CAMK2D: variants seen among roughly 807,000 people sequenced by gnomAD.
CAMK2D encodes calcium/calmodulin dependent protein kinase II delta, also known as calcium/calmodulin-dependent protein kinase type II subunit delta.
CAMK2D carries 37 observed loss-of-function variants against 84.0 expected under a neutral mutation model. The observed-to-expected ratio is 0.44, with a 90% confidence interval of 0.34 to 0.58. The LOEUF is 0.58. Ranked by LOEUF, CAMK2D falls within the 20% of genes least tolerant of loss-of-function variation. The pLI is 0.02. For synonymous variants in CAMK2D, 202 were observed against 212.5 expected (o/e 0.95, Z 0.43); for missense variants, 448 against 652.5 (o/e 0.69, Z 3.41).
At chr4:113,721,518 C>G (rs900863878) in intron 2 of CAMK2D, among the ~76,000 whole-genome samples, 1 of 152,178 alleles carries the variant, frequency 6.6e-6, no homozygotes, top group Non-Finnish European at 1.5e-5. Context: ...TCCAGACCCT[C>G]GTTTCCTAAG....
chr4:113,508,252 G>A (rs1488208210), intron 13 of CAMK2D: 18 of 1,549,144 alleles, frequency 1.2e-5, no homozygotes, highest in East Asian at 2.4e-5. Flanking sequence ...CTGAACACTC[G>A]AACTGGACTT....
rs144595389 is a variant in CAMK2D, at chr4:113,635,112, C to T, written c.221-25906G>A. ...TATAATTGATTGCTAATGCTGTATGCGAAAGCACTTTTTGCTGGGTTTTTA... is the reference window on the plus strand; with the variant it reads ...TATAATTGATTGCTAATGCTGTATGTGAAAGCACTTTTTGCTGGGTTTTTA... On this transcript the variant is annotated intron_variant, in intron 3 of 20. Coordinates refer to ENST00000511664, the MANE Select transcript of CAMK2D (RefSeq NM_001321571.2). Among the ~76,000 whole-genome samples, 106 of 152,226 alleles carry T rather than the reference C, an allele frequency of 7.0e-4. 1 individual carries two copies. Among genetic ancestry groups the T allele is most frequent in the Middle Eastern group, 3.4e-3 (1 of 294 alleles).
chr4:113,497,726 A>C (rs2097958513), intron 16 of CAMK2D, among the ~76,000 whole-genome samples: 1 of 152,230 alleles, frequency 6.6e-6, no homozygotes, highest in Non-Finnish European at 1.5e-5. Context: ...ATGGGGCAGA[A>C]TGTGCACTGC....
At chr4:113,500,638 C>A in intron 15 of CAMK2D, 127 bp from the exon 16 acceptor site, 1 of 533,494 alleles carries the variant, frequency 1.9e-6, no homozygotes. Flanking sequence ...TGCTGACATG[C>A]AAATGGACAA....
chr4:113,515,800 T>A (rs900051066), intron 9 of CAMK2D, among the ~76,000 whole-genome samples: 17 of 152,318 alleles, frequency 1.1e-4, no homozygotes, highest in African/African-American at 4.1e-4. Flanking sequence ...CTTCAAGAAG[T>A]TTAATCTGCC....
At chr4:113,670,018 C>T (rs1327378779) in intron 2 of CAMK2D, among the ~76,000 whole-genome samples, 1 of 152,108 alleles carries the variant, frequency 6.6e-6, no homozygotes, top group African/African-American at 2.4e-5. Flanking sequence ...TGGTGGCTCA[C>T]GTCTGTAATC....
intron 2 of CAMK2D, among the ~76,000 whole-genome samples, chr4:113,722,683 C>G (rs2099534359): frequency 6.6e-6 from 1 of 152,022 alleles, no homozygotes; most frequent in African/African-American, 2.4e-5. Flanking sequence ...GTGGAAGTGT[C>G]CTGGGCAAAA....
At chr4:113,455,432 C>A (rs761018997) in intron 20 of CAMK2D, among the ~76,000 whole-genome samples, 1 of 152,112 alleles carries the variant, frequency 6.6e-6, no homozygotes, top group Non-Finnish European at 1.5e-5. Context: ...TGAACTGACC[C>A]AGACATAATT....
chr4:113,580,533 C>T (rs2098803107), intron 4 of CAMK2D, among the ~76,000 whole-genome samples: 1 of 152,130 alleles, frequency 6.6e-6, no homozygotes, highest in African/African-American at 2.4e-5. Context: ...CAACAATTAC[C>T]TTATGATTAC....
intron 8 of CAMK2D, among the ~76,000 whole-genome samples, chr4:113,521,821 T>G (rs1466397167): frequency 1.3e-5 from 2 of 152,162 alleles, no homozygotes; most frequent in Non-Finnish European, 2.9e-5. Flanking sequence ...ATGTTTCAAT[T>G]TGGTTAAGAT....
intron 4 of CAMK2D, among the ~76,000 whole-genome samples, chr4:113,598,280 A>T (rs1161649161): frequency 6.6e-6 from 1 of 152,182 alleles, no homozygotes; most frequent in African/African-American, 2.4e-5. Flanking sequence ...AAGGCAATAC[A>T]CTGGAAAAAA....
In CAMK2D at chr4:113,465,608, A is replaced by C. The variant is rs1452440631; in HGVS notation, c.1136-4T>G. The C allele has an allele frequency of 3.8e-6, 6 of 1,593,412 alleles. No homozygotes were observed. The highest frequency in any genetic ancestry group is 1.7e-4 in the Middle Eastern group (1 of 6,024). ...TTGATAATCTCTTGCTTTCGTGCTA[A>C]AGGCAAAAATATGGAGTTGGGTAAG... On this transcript the variant is annotated splice_region_variant and splice_polypyrimidine_tract_variant and intron_variant, in intron 16 of 20. Transcript: ENST00000511664.
chr4:113,716,711 AT>A (rs1427975420), intron 2 of CAMK2D, among the ~76,000 whole-genome samples: 2 of 151,952 alleles, frequency 1.3e-5, no homozygotes, highest in Non-Finnish European at 2.9e-5. Flanking sequence ...CTAACTTGAA[AT>A]ATTTCCTTTG....
intron 2 of CAMK2D, among the ~76,000 whole-genome samples, chr4:113,739,564 T>C (rs1194432106): frequency 6.6e-6 from 1 of 152,052 alleles, no homozygotes; most frequent in Non-Finnish European, 1.5e-5. Flanking sequence ...CAAATAAAGC[T>C]CCCAAGCCAA....
intron 6 of CAMK2D, among the ~76,000 whole-genome samples, chr4:113,543,916 C>T (rs1243669176): frequency 2.0e-5 from 3 of 151,960 alleles, no homozygotes; most frequent in East Asian, 1.9e-4. Flanking sequence ...CTCAGCCTCC[C>T]GAGTAGCTGG....
At position 113,611,712 on chromosome 4, in the gene CAMK2D, T is replaced by A. The variant is rs182096476; in HGVS notation, c.221-2506A>T. ...AATATCATCATTCAGAAATCAATTA[T>A]TTTTTGAACAAGTCAGGAGTTACTG... is the stretch of plus-strand genomic sequence containing the variant. On this transcript the variant is annotated intron_variant, in intron 3 of 20. Transcript: ENST00000511664. Among the ~76,000 whole-genome samples, 42 of 152,080 alleles carry A rather than the reference T, an allele frequency of 2.8e-4. No homozygotes were observed. In the East Asian group the frequency reaches 8.1e-3, roughly 29 times the overall value.
rs2099041920 is a variant in CAMK2D at position 113,620,641 on chromosome 4, G to A, written c.221-11435C>T. ...TCCTGCCTCAGCCTCCTGAGTAGCT[G>A]GGACTACAGGCGTGCACCTACATGC... On this transcript the variant is annotated intron_variant, in intron 3 of 20. Coordinates refer to ENST00000511664, the MANE Select transcript of CAMK2D (RefSeq NM_001321571.2). 3.3e-5 allele frequency among the ~76,000 whole-genome samples: 5 copies of A among 151,804 alleles called. 1 individual carries two copies. In the Middle Eastern group the frequency reaches 0.017, roughly 516 times the overall value.
chr4:113,471,376 A>G (rs984207302), intron 16 of CAMK2D, among the ~76,000 whole-genome samples: 1 of 152,130 alleles, frequency 6.6e-6, no homozygotes, highest in African/African-American at 2.4e-5. Context: ...TCTATCTCGG[A>G]GACCTTAAAT....
rs926683984 is a variant in CAMK2D, at chr4:113,670,246, C to G, written c.161-8474G>C. Reference sequence around the variant, plus strand: ...GCAGTGAGCCAAGATTGTGCCAGTGCATTCCAGCCTGGCTGACAGAGCAAG... The same window carrying G: ...GCAGTGAGCCAAGATTGTGCCAGTGGATTCCAGCCTGGCTGACAGAGCAAG... On this transcript the variant is annotated intron_variant, in intron 2 of 20. Transcript: ENST00000511664. Among the ~76,000 whole-genome samples the G allele has an allele frequency of 4.6e-5, 7 of 152,192 alleles. No individual in the cohort carries two copies. The East Asian group carries it at 1.4e-3, about 29-fold the overall frequency.
Sources: gnomAD v4.1 joint callset for allele counts (sites outside exome capture counted in the v4.1 genomes callset) on GRCh38, gnomAD v4.1.1 for gene constraint, MANE v1.5 for transcripts, NCBI Gene and HGNC (gene_info 2026-07-23, HGNC 2026-07-21) for gene names.